The following C1GALT1 variants were observed in gnomAD, a reference collection of about 807,000 sequenced individuals.
C1GALT1 encodes glycoprotein-N-acetylgalactosamine 3-beta-galactosyltransferase 1.
Under a neutral mutation model 31.0 loss-of-function variants are expected in C1GALT1, and 11 were observed. The observed-to-expected ratio is 0.36, with a 90% confidence interval of 0.22 to 0.59. The LOEUF is 0.59. Among genes scored for constraint, C1GALT1 ranks in the 20% least tolerant of loss-of-function variants. The pLI, the probability that C1GALT1 is intolerant of heterozygous loss-of-function variation, is 0.79. For missense variants in C1GALT1, 424 were observed against 425.2 expected (o/e 1.00, Z 0.03); for synonymous variants, 175 against 143.6 (o/e 1.22, Z -1.56).
At chr7:7,231,679 TC>T (rs1783080077) in intron 1 of C1GALT1, among the ~76,000 whole-genome samples, 1 of 152,138 alleles carries the variant, frequency 6.6e-6, no homozygotes. Context: ...CTTATTTGAG[TC>T]TTTTGGCTCT....
intron 2 of C1GALT1, among the ~76,000 whole-genome samples, chr7:7,177,446 A>T (rs1403549262): frequency 2.0e-5 from 3 of 152,186 alleles, no homozygotes; most frequent in Non-Finnish European, 4.4e-5. Context: ...AACCGGTTAT[A>T]TATATGTTTG....
upstream of C1GALT1, among the ~76,000 whole-genome samples, chr7:7,181,278 G>GTGGA (rs1780581720): frequency 9.2e-5 from 8 of 86,634 alleles, no homozygotes; most frequent in African/African-American, 2.3e-4. Context: ...GGAGGGGGAG[G>GTGGA]AGGCTGAGCA....
At chr7:7,213,263 A>G (rs1401834975) in intron 1 of C1GALT1, among the ~76,000 whole-genome samples, 1 of 152,208 alleles carries the variant, frequency 6.6e-6, no homozygotes, top group Non-Finnish European at 1.5e-5. Context: ...CAAGACAACA[A>G]TTGTCTGCAA....
rs57510429 is a variant in C1GALT1, at chr7:7,207,335, C to CTTTTTTTTTTTTTTT, written c.-18+24531_-18+24545dup. Among the ~76,000 whole-genome samples, 126 of 48,006 alleles carry CTTTTTTTTTTTTTTT rather than the reference C, an allele frequency of 2.6e-3. 45 individuals are homozygous for CTTTTTTTTTTTTTTT. Among genetic ancestry groups the CTTTTTTTTTTTTTTT allele is most frequent in the Middle Eastern group, 0.04 (2 of 50 alleles). The allele number at this position is 48,006 out of a possible 152,430, so 31.5% of individuals were successfully genotyped here. A position where few individuals can be genotyped will look rare whatever the true frequency, so the allele number is the denominator to read the frequency against. ...TCTCTGTGTTTCTCTTACTCTGTTG[C>CTTTTTTTTTTTTTTT]TTTTTTTTTTTTTTTTTTTTTTTTT... On this transcript the variant is annotated intron_variant, in intron 1 of 3. Coordinates refer to ENST00000436587, the MANE Select transcript of C1GALT1 (RefSeq NM_020156.5).
Position 7,214,581 on chromosome 7 carries a change from A to C in C1GALT1, c.-17-19722A>C, listed in dbSNP as rs117458676. Among the ~76,000 whole-genome samples, 560 of 152,298 alleles carry C rather than the reference A, an allele frequency of 3.7e-3. 5 individuals are homozygous for C. The highest frequency in any genetic ancestry group is 0.013 in the African/African-American group (532 of 41,562). Reference sequence around the variant, plus strand: ...AAGATTTTCGGCTTTCGAACTTTCGAAAGTAACCTCACAGGTGAAACCAAC... The same window carrying C: ...AAGATTTTCGGCTTTCGAACTTTCGCAAGTAACCTCACAGGTGAAACCAAC... On this transcript the variant is annotated intron_variant, in intron 1 of 3. Coordinates refer to ENST00000436587, the MANE Select transcript of C1GALT1 (RefSeq NM_020156.5).
intron 1 of C1GALT1, among the ~76,000 whole-genome samples, chr7:7,217,379 T>A (rs1278820574): frequency 6.6e-6 from 1 of 151,792 alleles, no homozygotes; most frequent in African/African-American, 2.4e-5. Flanking sequence ...CTTTTTTTTT[T>A]AAGAGACATG....
At position 7,243,565 on chromosome 7, in the gene C1GALT1, T is replaced by C. The variant is rs765304552; in HGVS notation, c.930T>C (p.Tyr310=). The change falls in exon 4 of 4, where the codon TAT becomes TAC. Residue 310 remains tyrosine (Y), a synonymous_variant. Coordinates refer to ENST00000436587, the MANE Select transcript of C1GALT1 (RefSeq NM_020156.5). ...CCSDLAVSFH[Y]VDSTTMYELE... is the part of the protein sequence containing the mutation. ...CTGATCTTGCAGTTTCTTTTCACTA[T>C]GTTGATTCTACAACCATGTATGAGT... 1 of 1,610,428 alleles carries C rather than the reference T, an allele frequency of 6.2e-7. No individual in the cohort carries two copies. Among genetic ancestry groups the C allele is most frequent in the Admixed American group, 1.7e-5 (1 of 59,162 alleles).
At chr7:7,189,649 T>C (rs972884938) in intron 1 of C1GALT1, among the ~76,000 whole-genome samples, 17 of 152,128 alleles carry the variant, frequency 1.1e-4, no homozygotes, top group African/African-American at 4.1e-4. Flanking sequence ...ATATATTTCA[T>C]AAAGAAATAT....
intron 1 of C1GALT1, among the ~76,000 whole-genome samples, chr7:7,184,829 T>C (rs1420312617): frequency 2.6e-5 from 4 of 152,268 alleles, no homozygotes; most frequent in African/African-American, 9.6e-5. Flanking sequence ...AAGACGCTGA[T>C]GTACAAACTA....
At chr7:7,242,943 A>G (rs530817148) in intron 3 of C1GALT1, among the ~76,000 whole-genome samples, 4 of 152,278 alleles carry the variant, frequency 2.6e-5, no homozygotes, top group African/African-American at 7.2e-5. Context: ...GCTTATAGAG[A>G]TTAAATAACT....
At chr7:7,232,492 T>TG (rs961527169) in intron 1 of C1GALT1, among the ~76,000 whole-genome samples, 84 of 95,388 alleles carry the variant, frequency 8.8e-4, no homozygotes, top group East Asian at 4.7e-3. Context: ...GGGTTTTTTT[T>TG]TTTTGTTTTT....
In C1GALT1 at chr7:7,244,854, A is replaced by G. The variant is rs1783781014; in HGVS notation, c.*1127A>G. The stretch of plus-strand genomic sequence containing the variant: ...ACAATAGAAAATGTAGAGTGCTTAA[A>G]CAAAAATGTTATATTTTGAAAGAGT... On this transcript the variant is annotated 3_prime_UTR_variant, in exon 4 of 4. Coordinates refer to ENST00000436587, the MANE Select transcript of C1GALT1 (RefSeq NM_020156.5). 6.6e-6 allele frequency: 1 copy of G among 152,346 alleles called. No individual in the cohort carries two copies. Among genetic ancestry groups the G allele is most frequent in the Middle Eastern group, 3.4e-3 (1 of 294 alleles). The allele number at this position is 152,346 out of a possible 1,614,324, so 9.4% of individuals were successfully genotyped here.
chr7:7,227,768 G>A (rs902947531), intron 1 of C1GALT1, among the ~76,000 whole-genome samples: 1 of 151,512 alleles, frequency 6.6e-6, no homozygotes, highest in African/African-American at 2.4e-5. Context: ...TAACACGTTA[G>A]CATGCGTATC....
At position 7,182,606 on chromosome 7, in the gene C1GALT1, G is replaced by A. The variant is rs573898747; in HGVS notation, c.-232G>A. The A allele has an allele frequency of 6.2e-6, 1 of 161,708 alleles. No homozygotes were observed. Among genetic ancestry groups the A allele is most frequent in the Non-Finnish European group, 1.3e-5 (1 of 76,700 alleles). 10.0% of individuals were successfully genotyped at this position (161,708 alleles called of 1,614,324 possible). The stretch of plus-strand genomic sequence containing the variant: ...ACGGCCTGGACGCGCTGCGGGGAGG[G>A]GCGGAGCGAGCGGGCGGGAGCGCGC... On this transcript the variant is annotated 5_prime_UTR_variant, in exon 1 of 4. Coordinates refer to ENST00000436587, the MANE Select transcript of C1GALT1 (RefSeq NM_020156.5).
chr7:7,223,813 GTGA>G (rs150471714), intron 1 of C1GALT1, among the ~76,000 whole-genome samples: 9,164 of 152,146 alleles, frequency 0.06, 329 homozygotes, highest in East Asian at 0.16. Flanking sequence ...TTGAGTAAGA[GTGA>G]TGAGAGTGGA....
chr7:7,185,984 A>C (rs1263786630), intron 1 of C1GALT1, among the ~76,000 whole-genome samples: 1 of 152,212 alleles, frequency 6.6e-6, no homozygotes, highest in South Asian at 2.1e-4. Flanking sequence ...TGGATAATCT[A>C]TAAAGAAAAG....
intron 1 of C1GALT1, among the ~76,000 whole-genome samples, chr7:7,201,349 G>T (rs1021871766): frequency 1.7e-4 from 26 of 152,188 alleles, no homozygotes; most frequent in Non-Finnish European, 3.4e-4. Flanking sequence ...GTTGCTACCC[G>T]ATCTTTCCTC....
intron 1 of C1GALT1, among the ~76,000 whole-genome samples, chr7:7,198,025 G>A (rs567207872): frequency 6.6e-6 from 1 of 152,186 alleles, no homozygotes; most frequent in African/African-American, 2.4e-5. Flanking sequence ...AATACTCTTT[G>A]TTTCTTTCTC....
intron 3 of C1GALT1, among the ~76,000 whole-genome samples, chr7:7,242,484 AAATT>A (rs1414111954): frequency 2.0e-5 from 3 of 152,056 alleles, no homozygotes; most frequent in Admixed American, 6.6e-5. Flanking sequence ...TTCCAAACAT[AAATT>A]ATTAGATTTA....
Sources: allele counts gnomAD v4.1 joint callset (sites outside exome capture counted in the v4.1 genomes callset), GRCh38; gene constraint gnomAD v4.1.1; transcripts MANE v1.5; gene names NCBI Gene and HGNC (gene_info 2026-07-23, HGNC 2026-07-21).